Variants in ACACA observed in about 807,000 individuals in gnomAD.
The protein encoded by ACACA is acetyl-CoA carboxylase 1.
Under a neutral mutation model 296.1 loss-of-function variants are expected in ACACA, and 103 were observed. The observed-to-expected ratio is 0.35, with a 90% CI of 0.30 to 0.41. The LOEUF is 0.41. ACACA is among the 10% of genes least tolerant of loss of function. The pLI, the probability that ACACA is intolerant of heterozygous loss-of-function variation, is 1.00. For missense variants in ACACA, 1,554 were observed against 2,989.7 expected, an observed-to-expected ratio of 0.52 and a Z score of 11.20; for synonymous variants, 953 against 1,038.6, an observed-to-expected ratio of 0.92 and a Z score of 1.58.
chr17:37,104,195 C>T (rs1203348151), intron 52 of ACACA, among the ~76,000 whole-genome samples: 1 of 152,204 alleles, frequency 6.6e-6, no homozygotes, highest in Non-Finnish European at 1.5e-5. Flanking sequence ...ATGTGGCCTG[C>T]AGGCCACGGT....
intron 3 of ACACA, among the ~76,000 whole-genome samples, chr17:37,314,019 C>A (rs923147857): frequency 6.6e-6 from 1 of 151,338 alleles, no homozygotes; most frequent in Admixed American, 6.6e-5. Context: ...ATATCTACTC[C>A]ATACACACAA....
At chr17:37,162,442 T>C (rs1001852939) in intron 41 of ACACA, among the ~76,000 whole-genome samples, 1 of 152,180 alleles carries the variant, frequency 6.6e-6, no homozygotes, top group African/African-American at 2.4e-5. Context: ...CTAAATCTCA[T>C]GTTGAGATAT....
chr17:37,096,836 T>C (rs1245514842), intron 54 of ACACA, among the ~76,000 whole-genome samples, 160 bp downstream of exon 54: 2 of 152,092 alleles, frequency 1.3e-5, no homozygotes, highest in African/African-American at 4.8e-5. Context: ...TGACATGACA[T>C]GTTAGGGGGA....
At chr17:37,133,948 T>C (rs2075220377) in intron 45 of ACACA, among the ~76,000 whole-genome samples, 1 of 152,174 alleles carries the variant, frequency 6.6e-6, no homozygotes, top group Non-Finnish European at 1.5e-5. Context: ...AAGGGCTGAA[T>C]CTGAGAGGAA....
At chr17:37,299,770 G>A (rs2083531534) in intron 3 of ACACA, 9 of 997,884 alleles carry the variant, frequency 9.0e-6, no homozygotes, top group African/African-American at 1.7e-5. Flanking sequence ...TGGCTGCCAG[G>A]AGCACATGAC....
chr17:37,301,952 T>C (rs1407518027), intron 3 of ACACA, among the ~76,000 whole-genome samples: 13 of 152,062 alleles, frequency 8.5e-5, no homozygotes, highest in Non-Finnish European at 1.8e-4. Context: ...ATGGACTGCC[T>C]CTCCATTTAT....
chr17:37,165,525 CT>C (rs1012654890), intron 41 of ACACA, among the ~76,000 whole-genome samples: 2 of 152,020 alleles, frequency 1.3e-5, no homozygotes, highest in Non-Finnish European at 1.5e-5. Context: ...ACGTAAAAAA[CT>C]TTGTCTTTCT....
At chr17:37,220,489 T>C (rs1454095838) in intron 29 of ACACA, among the ~76,000 whole-genome samples, 1 of 152,136 alleles carries the variant, frequency 6.6e-6, no homozygotes, top group African/African-American at 2.4e-5. Context: ...GAAGACTGAG[T>C]GCTGTGCCTA....
At chr17:37,208,083 A>G (rs941936419) in intron 30 of ACACA, among the ~76,000 whole-genome samples, 2 of 152,188 alleles carry the variant, frequency 1.3e-5, no homozygotes, top group Non-Finnish European at 2.9e-5. Flanking sequence ...ACACAATTAC[A>G]TTATAAGATG....
At chr17:37,160,379 C>T (rs192514003) in intron 42 of ACACA, among the ~76,000 whole-genome samples, 7 of 152,272 alleles carry the variant, frequency 4.6e-5, no homozygotes, top group Admixed American at 3.3e-4. Context: ...AAGGGCACAA[C>T]GGATGCAGGT....
At chr17:37,105,877 A>AAAG (rs2073656660) in intron 52 of ACACA, among the ~76,000 whole-genome samples, 1 of 151,242 alleles carries the variant, frequency 6.6e-6, no homozygotes, top group Non-Finnish European at 1.5e-5. Context: ...AAAAAAAAAA[A>AAAG]AAAGAAAGAA....
At chr17:37,221,960 G>T (rs1340671086) in intron 28 of ACACA, 118 bp from the exon 29 acceptor site, 6 of 818,748 alleles carry the variant, frequency 7.3e-6, no homozygotes, top group Non-Finnish European at 1.3e-5. Context: ...GGGGAGAGAA[G>T]TCCCAAGGCC....
chr17:37,339,237 A>G (rs1568019304), intron 2 of ACACA, among the ~76,000 whole-genome samples: 1 of 152,266 alleles, frequency 6.6e-6, no homozygotes. Flanking sequence ...TCTAGCTTGC[A>G]GTCTGACTGA....
intron 2 of ACACA, among the ~76,000 whole-genome samples, chr17:37,338,257 CA>C (rs934272312): frequency 1.5e-5 from 2 of 130,270 alleles, no homozygotes; most frequent in Admixed American, 7.6e-5. Flanking sequence ...TATCATGCAA[CA>C]AAAAAAATTT....
chr17:37,339,583 AC>A, intron 2 of ACACA, among the ~76,000 whole-genome samples: 1 of 152,384 alleles, frequency 6.6e-6, no homozygotes, highest in East Asian at 1.9e-4. Context: ...AAGCTACTCC[AC>A]AGCCTGTCCC....
chr17:37,231,349 CA>C (rs2079852184), intron 25 of ACACA, among the ~76,000 whole-genome samples: 1 of 152,116 alleles, frequency 6.6e-6, no homozygotes, highest in Non-Finnish European at 1.5e-5. Flanking sequence ...GCCCTCAAGA[CA>C]TTAACTATTA....
chr17:37,151,276 A>G (rs1192555784), intron 44 of ACACA, 25 bp downstream of exon 44: 1 of 1,613,704 alleles, frequency 6.2e-7, no homozygotes, highest in Non-Finnish European at 8.5e-7. Flanking sequence ...GTTCTTCAAA[A>G]ATTTCACATT....
chr17:37,377,952 A>C (rs1568075223), intron 1 of ACACA: 1 of 1,613,802 alleles, frequency 6.2e-7, no homozygotes, highest in Non-Finnish European at 8.5e-7. Context: ...GCATCAGAGA[A>C]TTGCAAATGC....
chr17:37,283,219 C>T (rs2146588930), intron 5 of ACACA, 48 bp downstream of exon 5: 2 of 1,611,876 alleles, frequency 1.2e-6, no homozygotes, highest in Non-Finnish European at 1.7e-6. Flanking sequence ...CTGTGCTGTT[C>T]CATGTTTTAG....
Sources: allele counts gnomAD v4.1 joint callset (sites outside exome capture counted in the v4.1 genomes callset), GRCh38; gene constraint gnomAD v4.1.1; transcripts MANE v1.5; gene names NCBI Gene and HGNC (gene_info 2026-07-23, HGNC 2026-07-21).